Variants in RASSF5 observed in about 807,000 individuals in gnomAD.
RASSF5 encodes ras association domain-containing protein 5.
RASSF5 carries 25 observed loss-of-function variants against 40.5 expected under a neutral mutation model. That is an observed-to-expected ratio of 0.62 (90% CI 0.45 to 0.86). The LOEUF is 0.86. Ranked by LOEUF, RASSF5 falls within the 40% of genes least tolerant of loss-of-function variation. RASSF5 has a pLI of 0.00. For missense variants in RASSF5, 521 were observed against 572.8 expected, an observed-to-expected ratio of 0.91 and a Z score of 0.92; for synonymous variants, 246 against 252.4, an observed-to-expected ratio of 0.97 and a Z score of 0.24.
intron 2 of RASSF5, among the ~76,000 whole-genome samples, chr1:206,546,612 A>G (rs1468137907): frequency 1.3e-5 from 2 of 152,130 alleles, no homozygotes; most frequent in Non-Finnish European, 2.9e-5. Flanking sequence ...AATTTATGGG[A>G]TTACATCCCA....
intron 2 of RASSF5, among the ~76,000 whole-genome samples, chr1:206,563,298 C>T (rs1329991867): frequency 6.6e-6 from 1 of 152,148 alleles, no homozygotes; most frequent in African/African-American, 2.4e-5. Flanking sequence ...CCACACATGC[C>T]TCCTGCCACC....
At chr1:206,544,098 G>C (rs1667615075) in intron 2 of RASSF5, 1 of 152,204 alleles carries the variant, frequency 6.6e-6, no homozygotes, top group Admixed American at 6.5e-5. Context: ...TTAAAACACA[G>C]ACCCTTGGCC....
At chr1:206,536,032 A>C (rs1667384571) in intron 1 of RASSF5, among the ~76,000 whole-genome samples, 1 of 152,148 alleles carries the variant, frequency 6.6e-6, no homozygotes. Context: ...CGCCAGGAAC[A>C]ATGCTGCCCA....
intron 1 of RASSF5, among the ~76,000 whole-genome samples, chr1:206,522,927 T>TA (rs1666945176): frequency 6.6e-6 from 1 of 152,154 alleles, no homozygotes; most frequent in African/African-American, 2.4e-5. Flanking sequence ...CATTTAAAAG[T>TA]AAAGCTAATT....
chr1:206,588,705 A>G lies in RASSF5; in HGVS notation c.*1727A>G, dbSNP rs1553408277. The G allele has an allele frequency of 6.6e-6, 1 of 152,594 alleles. No homozygotes were observed. The highest frequency in any genetic ancestry group is 1.5e-5 in the Non-Finnish European group (1 of 68,036). The allele number at this position is 152,594 out of a possible 1,614,324, so 9.5% of individuals were successfully genotyped here. On this transcript the variant is annotated 3_prime_UTR_variant, in exon 6 of 6. Coordinates refer to ENST00000579436, the MANE Select transcript of RASSF5 (RefSeq NM_182663.4). ...TCTCCAGAGCTTCAAAGGCAACACAAGCTCGCAACTCTAAGATTTTTTTAA... is the reference window on the plus strand; with the variant it reads ...TCTCCAGAGCTTCAAAGGCAACACAGGCTCGCAACTCTAAGATTTTTTTAA...
In RASSF5 at chr1:206,584,300, G is replaced by A. The variant is rs1669014265; in HGVS notation, c.691-87G>A. 1 of 1,321,828 alleles carries A rather than the reference G, an allele frequency of 7.6e-7. No homozygotes were observed. Among genetic ancestry groups the A allele is most frequent in the Non-Finnish European group, 1.0e-6 (1 of 962,534 alleles). 81.9% of individuals were successfully genotyped at this position (1,321,828 alleles called of 1,614,324 possible). On this transcript the variant is annotated intron_variant, in intron 3 of 5. Transcript: ENST00000579436. This position sits in a 1 kb window ranked among gnomAD's most constrained non-coding sequence, Gnocchi z 4.9. ...GGAAAGAACTCAAGGAGACAGGTGG[G>A]TGCTGCTGGGGCAATGGCCCCGAGT...
intron 2 of RASSF5, among the ~76,000 whole-genome samples, chr1:206,566,562 G>C (rs1668294259): frequency 6.6e-6 from 1 of 152,174 alleles, no homozygotes; most frequent in Admixed American, 6.5e-5. Context: ...CCCTCGCTTT[G>C]CAGTGGGGAG....
chr1:206,529,916 A>G (rs1667192970), intron 1 of RASSF5, among the ~76,000 whole-genome samples: 1 of 151,998 alleles, frequency 6.6e-6, no homozygotes, highest in African/African-American at 2.4e-5. Flanking sequence ...CCCTGCCTCA[A>G]AAAAAATAAA....
chr1:206,562,655 G>A (rs376015972), intron 2 of RASSF5, among the ~76,000 whole-genome samples: 2 of 152,104 alleles, frequency 1.3e-5, no homozygotes, highest in East Asian at 1.9e-4. Flanking sequence ...AGTATTGGCC[G>A]GGCGTGGTGG....
chr1:206,577,582 C>A (rs1195774970), intron 2 of RASSF5, among the ~76,000 whole-genome samples: 1 of 152,200 alleles, frequency 6.6e-6, no homozygotes, highest in Non-Finnish European at 1.5e-5. Context: ...AGAAGCCCAA[C>A]ACACACTTGT....
intron 2 of RASSF5, among the ~76,000 whole-genome samples, chr1:206,562,658 C>G (rs543332568): frequency 2.0e-5 from 3 of 152,246 alleles, no homozygotes; most frequent in Non-Finnish European, 4.4e-5. Context: ...ATTGGCCGGG[C>G]GTGGTGGCTC....
intron 1 of RASSF5, among the ~76,000 whole-genome samples, chr1:206,517,031 C>G (rs1553395521): frequency 6.6e-6 from 1 of 152,220 alleles, no homozygotes; most frequent in Non-Finnish European, 1.5e-5. Context: ...CCATGGGCAG[C>G]TCCCTTCTCC....
At chr1:206,520,887 G>A (rs962579853) in intron 1 of RASSF5, among the ~76,000 whole-genome samples, 6 of 152,296 alleles carry the variant, frequency 3.9e-5, no homozygotes, top group Admixed American at 6.5e-5. Context: ...ACTGCTCCCC[G>A]TGGGTCATTG....
intron 1 of RASSF5, among the ~76,000 whole-genome samples, chr1:206,521,332 C>G (rs781840374): frequency 6.6e-6 from 1 of 152,134 alleles, no homozygotes. Context: ...AGCCTGCTTT[C>G]GCCCGGTTGA....
At chr1:206,522,368 C>G (rs983008641) in intron 1 of RASSF5, among the ~76,000 whole-genome samples, 37 of 152,164 alleles carry the variant, frequency 2.4e-4, no homozygotes, top group African/African-American at 8.2e-4. Context: ...CTGATGGTCA[C>G]ACATAATTTA....
At chr1:206,509,666 A>G (rs1666564343) in intron 1 of RASSF5, among the ~76,000 whole-genome samples, 1 of 152,052 alleles carries the variant, frequency 6.6e-6, no homozygotes, top group Non-Finnish European at 1.5e-5. Flanking sequence ...TCTAGTTTGT[A>G]GTTAGACTTT....
At chr1:206,520,721 G>A (rs1272494793) in intron 1 of RASSF5, among the ~76,000 whole-genome samples, 3 of 152,114 alleles carry the variant, frequency 2.0e-5, no homozygotes, top group African/African-American at 4.8e-5. Context: ...ACCTCTCTGA[G>A]CCTCATTTTT....
intron 1 of RASSF5, among the ~76,000 whole-genome samples, chr1:206,515,961 T>G (rs1226784517): frequency 6.6e-6 from 1 of 152,232 alleles, no homozygotes; most frequent in Non-Finnish European, 1.5e-5. Context: ...ACATGAGAGT[T>G]TTGAGAGAAA....
chr1:206,548,887 A>G lies in RASSF5; in HGVS notation c.579+10594A>G, dbSNP rs1171342172. Among the ~76,000 whole-genome samples, 10 of 151,814 alleles carry G rather than the reference A, an allele frequency of 6.6e-5. No individual in the cohort carries two copies. The South Asian group carries it at 1.7e-3, about 25-fold the overall frequency. ...TTGTTTTGTTTTATTTTGTTTTGAG[A>G]CAGAGTCTCGCTCTGTTGCCCGGGC... On this transcript the variant is annotated intron_variant, in intron 2 of 5. Transcript: ENST00000579436.
Sources: gnomAD v4.1 joint callset for allele counts (sites outside exome capture counted in the v4.1 genomes callset) on GRCh38, gnomAD v4.1.1 for gene constraint, Gnocchi (gnomAD v3.1) non-coding constraint, MANE v1.5 for transcripts, NCBI Gene and HGNC (gene_info 2026-07-23, HGNC 2026-07-21) for gene names.